MFSD6: variants seen among roughly 807,000 people sequenced by gnomAD.
MFSD6 encodes major facilitator superfamily domain-containing protein 6.
A neutral mutation model predicts 56.3 loss-of-function variants in MFSD6; 26 were observed. That is an observed-to-expected ratio of 0.46 (90% confidence interval 0.34 to 0.64). MFSD6 has a LOEUF of 0.64. Among genes scored for constraint, MFSD6 ranks in the 30% least tolerant of loss-of-function variants. The pLI, the probability that MFSD6 is intolerant of heterozygous loss-of-function variation, is 0.01. For synonymous variants in MFSD6, 331 were observed against 366.9 expected (o/e 0.90, Z 1.12); for missense variants, 750 against 986.2 (o/e 0.76, Z 3.21).
rs889137893 is a variant in MFSD6, at chr2:190,463,762, T to C, written c.1533-5996T>C. 4 of 512,504 alleles carry C rather than the reference T, an allele frequency of 7.8e-6. No individual in the cohort carries two copies. The highest frequency in any genetic ancestry group is 2.1e-5 in the African/African-American group (1 of 48,044). The allele number at this position is 512,504 out of a possible 1,614,324, so 31.7% of individuals were successfully genotyped here. ...CTGGGCTCTGGTGGTCAAGGCTGCA[T>C]TGAGCTGTGATGACGCTACTGCACT... On this transcript the variant is annotated intron_variant, in intron 3 of 7. Transcript: ENST00000392328. The surrounding 1 kb of genome is among the most constrained non-coding windows in gnomAD (Gnocchi z 4.4).
Position 190,458,069 on chromosome 2 carries a change from C to T in MFSD6, c.1533-11689C>T, listed in dbSNP as rs1247652752. Among the ~76,000 whole-genome samples the T allele has an allele frequency of 6.6e-6, 1 of 152,208 alleles. No individual in the cohort carries two copies. The highest frequency in any genetic ancestry group is 2.4e-5 in the African/African-American group (1 of 41,464). On this transcript the variant is annotated intron_variant, in intron 3 of 7. Coordinates refer to ENST00000392328, the MANE Select transcript of MFSD6 (RefSeq NM_017694.4). The surrounding 1 kb of genome is among the most constrained non-coding windows in gnomAD (Gnocchi z 5.3). The stretch of plus-strand genomic sequence containing the variant: ...CGAGGAAGCTGCCAGCGGTGTCACA[C>T]ACTCTGTTGCTGGTCTAGGGAGGAA...
chr2:190,460,621 C>A (rs935226829), intron 3 of MFSD6, among the ~76,000 whole-genome samples: 1 of 152,196 alleles, frequency 6.6e-6, no homozygotes, highest in Non-Finnish European at 1.5e-5. Context: ...ATGCAGAATG[C>A]AGTCAGGTTG....
chr2:190,435,880 T>G (rs1575838704), intron 2 of MFSD6, 97 bp from the exon 3 acceptor site: 2 of 1,028,580 alleles, frequency 1.9e-6, no homozygotes, highest in East Asian at 5.2e-5. Flanking sequence ...CAATTATTAT[T>G]TTAGTTTGTA....
chr2:190,501,545 A>G lies in MFSD6; in HGVS notation c.*1327A>G, dbSNP rs935036163. The G allele has an allele frequency of 6.6e-6, 1 of 152,220 alleles. No individual in the cohort carries two copies. The allele number at this position is 152,220 out of a possible 1,614,324, so 9.4% of individuals were successfully genotyped here. A position where few individuals can be genotyped will look rare whatever the true frequency, so the allele number is the denominator to read the frequency against. ...ATAAAGGTGAATTATATAATTTATA[A>G]TAGCTGTGGATGAGCACAGGAGAGA... On this transcript the variant is annotated 3_prime_UTR_variant, in exon 8 of 8. Transcript: ENST00000392328.
rs34054506 is a variant in MFSD6 at position 190,455,934 on chromosome 2, C to CTTTTTTTTTTTTT, written c.1533-13812_1533-13800dup. On this transcript the variant is annotated intron_variant, in intron 3 of 7. Transcript: ENST00000392328. ...GTCTACTGTAATTGTATTTACTCTG[C>CTTTTTTTTTTTTT]TTTTTTTTTTTTTTTTTTTTTTTTG... 1.4e-4 allele frequency among the ~76,000 whole-genome samples: 9 copies of CTTTTTTTTTTTTT among 65,388 alleles called. 2 individuals carry two copies. The highest frequency in any genetic ancestry group is 2.6e-4 in the African/African-American group (4 of 15,168). 42.9% of individuals were successfully genotyped at this position (65,388 alleles called of 152,430 possible).
In MFSD6 at chr2:190,495,487, G is replaced by GA. The variant is rs530462498; in HGVS notation, c.1892-1946dup. Among the ~76,000 whole-genome samples, 31 of 152,140 alleles carry GA rather than the reference G, an allele frequency of 2.0e-4. No homozygotes were observed. The highest frequency in any genetic ancestry group is 6.5e-4 in the African/African-American group (27 of 41,508). On this transcript the variant is annotated intron_variant, in intron 6 of 7. Transcript: ENST00000392328. This position sits in a 1 kb window ranked among gnomAD's most constrained non-coding sequence, Gnocchi z 4.7. ...ACCACCATCATTCTTCACAGAACTA[G>GA]AAAAAACAATCCTAAATTTCATATG...
chr2:190,428,240 T>G (rs115357971), intron 2 of MFSD6, among the ~76,000 whole-genome samples: 1,642 of 152,342 alleles, frequency 0.011, 13 homozygotes, highest in South Asian at 0.062. Flanking sequence ...ACAATTTATG[T>G]ATCTGCTGTA....
Position 190,497,696 on chromosome 2 carries a change from G to A in MFSD6, c.2149G>A (p.Ala717Thr). The A allele has an allele frequency of 6.2e-7, 1 of 1,613,970 alleles. No individual in the cohort carries two copies. Among genetic ancestry groups the A allele is most frequent in the Non-Finnish European group, 8.5e-7 (1 of 1,179,862 alleles). Reference protein sequence around the residue: ...EMMQLTRDNRASEIQPLQGTN... With the variant: ...EMMQLTRDNRTSEIQPLQGTN... ...GATGCAACTCACAAGAGACAACCGTGCTTCTGAGATACAGCCTTTACAGGT... is the reference window on the plus strand; with the variant it reads ...GATGCAACTCACAAGAGACAACCGTACTTCTGAGATACAGCCTTTACAGGT... The change falls in exon 7 of 8, where the codon GCT becomes ACT. Residue 717 changes from alanine to threonine, a missense_variant. Ala to Thr is a moderately conservative substitution (Grantham distance 58). Coordinates refer to ENST00000392328, the MANE Select transcript of MFSD6 (RefSeq NM_017694.4). The surrounding 1 kb of genome is among the most constrained non-coding windows in gnomAD (Gnocchi z 5.2).
rs1370361353 is a variant in MFSD6 at position 190,447,508 on chromosome 2, A to G, written c.1532+9947A>G. ...ATACATATAGTCTGTGTCATAGCAC[A>G]TATGAAAAAATGACCTACCTAGTGA... is the stretch of plus-strand genomic sequence containing the variant. On this transcript the variant is annotated intron_variant, in intron 3 of 7. Transcript: ENST00000392328. The surrounding 1 kb of genome is among the most constrained non-coding windows in gnomAD (Gnocchi z 4.5). Among the ~76,000 whole-genome samples the G allele has an allele frequency of 6.7e-6, 1 of 149,150 alleles. No individual in the cohort carries two copies. Among genetic ancestry groups the G allele is most frequent in the Non-Finnish European group, 1.5e-5 (1 of 68,020 alleles).
rs1687394748 is a variant in MFSD6, at chr2:190,462,760, CAT to C, written c.1533-6995_1533-6994del. On this transcript the variant is annotated intron_variant, in intron 3 of 7. Coordinates refer to ENST00000392328, the MANE Select transcript of MFSD6 (RefSeq NM_017694.4). This position sits in a 1 kb window ranked among gnomAD's most constrained non-coding sequence, Gnocchi z 5.7. ...AATCAGAGGTACCAGTGCCCCAAGT[CAT>C]ATCTTGGAAAAAGGGAGAGAGATAC... Among the ~76,000 whole-genome samples the C allele has an allele frequency of 6.6e-6, 1 of 152,168 alleles. No individual in the cohort carries two copies. The highest frequency in any genetic ancestry group is 2.4e-5 in the African/African-American group (1 of 41,442).
chr2:190,490,263 TAA>T lies in MFSD6; in HGVS notation c.1891+410_1891+411del, dbSNP rs141689643. Among the ~76,000 whole-genome samples, 24 of 144,010 alleles carry T rather than the reference TAA, an allele frequency of 1.7e-4. No individual in the cohort carries two copies. Among genetic ancestry groups the T allele is most frequent in the Non-Finnish European group, 2.3e-4 (15 of 65,766 alleles). 94.5% of individuals were successfully genotyped at this position (144,010 alleles called of 152,430 possible). A position where few individuals can be genotyped will look rare whatever the true frequency, so the allele number is the denominator to read the frequency against. ...TTCTCTATGACTTACCTTCATTTGT[TAA>T]AAAAAAAAAAAACAATGGCCGGGTG... On this transcript the variant is annotated intron_variant, in intron 6 of 7. Coordinates refer to ENST00000392328, the MANE Select transcript of MFSD6 (RefSeq NM_017694.4). The surrounding 1 kb of genome is among the most constrained non-coding windows in gnomAD (Gnocchi z 4.5).
intron 4 of MFSD6, among the ~76,000 whole-genome samples, chr2:190,483,501 A>G (rs1688819576): frequency 6.6e-6 from 1 of 152,230 alleles, no homozygotes; most frequent in African/African-American, 2.4e-5. Context: ...TGTGTAAAAC[A>G]CTTAGCACAA....
intron 4 of MFSD6, among the ~76,000 whole-genome samples, chr2:190,479,253 C>T (rs969464811): frequency 6.6e-6 from 1 of 152,180 alleles, no homozygotes; most frequent in African/African-American, 2.4e-5. Flanking sequence ...AGTAAGTATT[C>T]TCTTGCAGCT....
intron 2 of MFSD6, among the ~76,000 whole-genome samples, chr2:190,430,161 G>C (rs905579289): frequency 1.3e-5 from 2 of 151,120 alleles, no homozygotes; most frequent in African/African-American, 4.9e-5. Context: ...CCATGTCCCT[G>C]CAAAGGACAT....
chr2:190,417,149 T>A lies in MFSD6; in HGVS notation c.-54+1736T>A, dbSNP rs1402852674. Among the ~76,000 whole-genome samples the A allele has an allele frequency of 6.6e-6, 1 of 152,124 alleles. No homozygotes were observed. Among genetic ancestry groups the A allele is most frequent in the Non-Finnish European group, 1.5e-5 (1 of 68,014 alleles). On this transcript the variant is annotated intron_variant, in intron 2 of 7. Transcript: ENST00000392328. This position sits in a 1 kb window ranked among gnomAD's most constrained non-coding sequence, Gnocchi z 5.7. ...AGTAGAGGAAGGAGTGAGGAAAATG[T>A]TTCAAGTGTATTCTATTTCCAGATG...
chr2:190,499,986 A>G lies in MFSD6; in HGVS notation c.2173-29A>G, dbSNP rs765623588. ...TTGGATTTATTTGCTATCACTGATC[A>G]TGGGGCATCTCCTGTTTTTTACCTC... is the stretch of plus-strand genomic sequence containing the variant. On this transcript the variant is annotated intron_variant, in intron 7 of 7. Coordinates refer to ENST00000392328, the MANE Select transcript of MFSD6 (RefSeq NM_017694.4). This position sits in a 1 kb window ranked among gnomAD's most constrained non-coding sequence, Gnocchi z 6.0. The G allele has an allele frequency of 4.3e-5, 70 of 1,611,494 alleles. No homozygotes were observed. Among genetic ancestry groups the G allele is most frequent in the Non-Finnish European group, 5.9e-5 (70 of 1,177,760 alleles).
intron 3 of MFSD6, among the ~76,000 whole-genome samples, chr2:190,468,979 C>A (rs1398110015): frequency 6.6e-6 from 1 of 152,144 alleles, no homozygotes; most frequent in Non-Finnish European, 1.5e-5. Flanking sequence ...TCCAAACCAG[C>A]CCATCCAGTT....
At position 190,469,337 on chromosome 2, in the gene MFSD6, C is replaced by G. The variant is rs1036705614; in HGVS notation, c.1533-421C>G. Among the ~76,000 whole-genome samples the G allele has an allele frequency of 2.0e-5, 3 of 152,096 alleles. No individual in the cohort carries two copies. The East Asian group carries it at 5.8e-4, about 29-fold the overall frequency. On this transcript the variant is annotated intron_variant, in intron 3 of 7. Coordinates refer to ENST00000392328, the MANE Select transcript of MFSD6 (RefSeq NM_017694.4). This position sits in a 1 kb window ranked among gnomAD's most constrained non-coding sequence, Gnocchi z 5.3. ...CATATTCTCATTTTTATCCTTCCTT[C>G]CCCCATTGTAGTGAAGTGGTTACAA...
intron 3 of MFSD6, chr2:190,464,977 T>A: frequency 1.2e-6 from 1 of 844,588 alleles, no homozygotes; most frequent in Non-Finnish European, 1.4e-6. Flanking sequence ...GTCTCACAAC[T>A]AACTACACTG....
Sources: allele counts gnomAD v4.1 joint callset (sites outside exome capture counted in the v4.1 genomes callset), GRCh38; gene constraint gnomAD v4.1.1; non-coding constraint Gnocchi (gnomAD v3.1); transcripts MANE v1.5; gene names NCBI Gene and HGNC (gene_info 2026-07-23, HGNC 2026-07-21).